The following PLXNA4 variants were observed in gnomAD, a reference collection of about 807,000 sequenced individuals.
PLXNA4 encodes plexin-A4.
PLXNA4 carries 44 observed loss-of-function variants against 191.8 expected under a neutral mutation model. The observed-to-expected ratio is 0.23, with a 90% confidence interval of 0.18 to 0.29. PLXNA4 has a LOEUF of 0.29. Among genes scored for constraint, PLXNA4 ranks in the 10% least tolerant of loss-of-function variants. PLXNA4 has a pLI of 1.00. For synonymous variants in PLXNA4, 1,082 were observed against 1,009.5 expected, an observed-to-expected ratio of 1.07 and a Z score of -1.36; for missense variants, 1,800 against 2,488.8, an observed-to-expected ratio of 0.72 and a Z score of 5.89.
At position 132,130,380 on chromosome 7, in the gene PLXNA4, G is replaced by A; in HGVS notation, c.*99C>T. 1.9e-6 allele frequency: 3 copies of A among 1,543,274 alleles called. No individual in the cohort carries two copies. In the South Asian group the frequency reaches 3.4e-5, roughly 18 times the overall value. Reference sequence around the variant, plus strand: ...GAAACAGCGCTGCTCAGGGGATGCTGCTGATGCCAGTCGGAACTTGCACTT... The same window carrying A: ...GAAACAGCGCTGCTCAGGGGATGCTACTGATGCCAGTCGGAACTTGCACTT... On this transcript the variant is annotated 3_prime_UTR_variant, in exon 32 of 32. Coordinates refer to ENST00000321063, the MANE Select transcript of PLXNA4 (RefSeq NM_020911.2).
In PLXNA4 at chr7:132,127,458, G is replaced by A. The variant is rs1482571809; in HGVS notation, c.*3021C>T. 6.6e-6 allele frequency: 1 copy of A among 152,130 alleles called. No homozygotes were observed. Among genetic ancestry groups the A allele is most frequent in the East Asian group, 1.9e-4 (1 of 5,196 alleles). 9.4% of individuals were successfully genotyped at this position (152,130 alleles called of 1,614,324 possible). A position where few individuals can be genotyped will look rare whatever the true frequency, so the allele number is the denominator to read the frequency against. The stretch of plus-strand genomic sequence containing the variant: ...AGTGGGGTAAGGAAGATCCCTGGGG[G>A]AGTTTGGAAAAAAGATTTGGGTGGG... On this transcript the variant is annotated 3_prime_UTR_variant, in exon 32 of 32. Transcript: ENST00000321063.
At chr7:132,503,641 A>G (rs1278378316) in intron 2 of PLXNA4, among the ~76,000 whole-genome samples, 1 of 152,208 alleles carries the variant, frequency 6.6e-6, no homozygotes, top group Non-Finnish European at 1.5e-5. Flanking sequence ...GGGAGCCTGG[A>G]TGGCAGCCTT....
At chr7:132,519,927 A>C (rs1799104524) in intron 1 of PLXNA4, among the ~76,000 whole-genome samples, 1 of 152,194 alleles carries the variant, frequency 6.6e-6, no homozygotes, top group Non-Finnish European at 1.5e-5. Context: ...AAGAGAGATC[A>C]CCCAGTTTCT....
At chr7:132,550,457 A>G (rs77098850) in intron 1 of PLXNA4, among the ~76,000 whole-genome samples, 1 of 152,204 alleles carries the variant, frequency 6.6e-6, no homozygotes. Context: ...CTTCCAGGCT[A>G]GGATTAACAG....
chr7:132,144,578 G>A (rs1485985828), intron 29 of PLXNA4, among the ~76,000 whole-genome samples: 1 of 152,178 alleles, frequency 6.6e-6, no homozygotes, highest in African/African-American at 2.4e-5. Flanking sequence ...CACCTGGCTG[G>A]TTCCTAAGTG....
At chr7:132,292,872 C>T (rs1800943499) in intron 4 of PLXNA4, among the ~76,000 whole-genome samples, 2 of 151,968 alleles carry the variant, frequency 1.3e-5, no homozygotes, top group South Asian at 2.1e-4. Context: ...TCTGAGGACA[C>T]GATATTTGAG....
intron 1 of PLXNA4, among the ~76,000 whole-genome samples, chr7:132,513,506 A>G (rs1401832928): frequency 2.0e-5 from 3 of 152,156 alleles, no homozygotes; most frequent in African/African-American, 7.2e-5. Flanking sequence ...GTTATTCACA[A>G]TATATTCCCT....
intron 4 of PLXNA4, among the ~76,000 whole-genome samples, chr7:132,246,801 CAT>C (rs1562989636): frequency 1.5e-4 from 23 of 151,672 alleles, no homozygotes; most frequent in Middle Eastern, 3.2e-3. Context: ...TCATCATCAT[CAT>C]CATCCTCATC....
chr7:132,232,932 C>T (rs925265664), intron 5 of PLXNA4, among the ~76,000 whole-genome samples: 1 of 152,192 alleles, frequency 6.6e-6, no homozygotes, highest in Non-Finnish European at 1.5e-5. Flanking sequence ...GGGGCTGTTG[C>T]TGATCCATCT....
intron 4 of PLXNA4, among the ~76,000 whole-genome samples, chr7:132,241,456 T>C (rs62464990): frequency 0.15 from 23,142 of 152,258 alleles, 1,866 homozygotes; most frequent in Middle Eastern, 0.18. Flanking sequence ...ACAGTGTTCA[T>C]TTCAAGTTTT....
intron 3 of PLXNA4, chr7:132,485,157 G>C: frequency 8.1e-7 from 1 of 1,241,248 alleles, no homozygotes; most frequent in Non-Finnish European, 1.1e-6. Context: ...TGTGCACCCA[G>C]TACCTATTCA....
At chr7:132,270,028 C>T (rs1459387233) in intron 4 of PLXNA4, among the ~76,000 whole-genome samples, 1 of 152,174 alleles carries the variant, frequency 6.6e-6, no homozygotes, top group Non-Finnish European at 1.5e-5. Flanking sequence ...GGTTCACCCT[C>T]AGGTTTCTAA....
intron 3 of PLXNA4, among the ~76,000 whole-genome samples, chr7:132,461,155 A>G (rs977081388): frequency 6.6e-6 from 1 of 152,170 alleles, no homozygotes; most frequent in African/African-American, 2.4e-5. Context: ...GGGAAGAAAT[A>G]TGCTTGGCTT....
chr7:132,235,782 G>A (rs1798679363), intron 5 of PLXNA4, among the ~76,000 whole-genome samples: 1 of 152,184 alleles, frequency 6.6e-6, no homozygotes, highest in Non-Finnish European at 1.5e-5. Flanking sequence ...GATGGAGAGG[G>A]GGCTGGGGAC....
chr7:132,597,133 G>A (rs1039929773), intron 2 of PLXNA4, among the ~76,000 whole-genome samples: 9 of 152,152 alleles, frequency 5.9e-5, no homozygotes, highest in Admixed American at 5.9e-4. Context: ...CAGGATCAAG[G>A]TGCCTTCCTC....
At chr7:132,429,093 C>A (rs559752695) in intron 3 of PLXNA4, among the ~76,000 whole-genome samples, 28 of 152,096 alleles carry the variant, frequency 1.8e-4, no homozygotes, top group Non-Finnish European at 3.1e-4. Context: ...TGTGGAATAG[C>A]CATGTAGACT....
At chr7:132,333,224 G>C (rs899340572) in intron 3 of PLXNA4, among the ~76,000 whole-genome samples, 3 of 152,192 alleles carry the variant, frequency 2.0e-5, no homozygotes, top group African/African-American at 4.8e-5. Flanking sequence ...TGTGTGGCTA[G>C]TGGGGAATTT....
chr7:132,240,734 C>A (rs761653894), intron 5 of PLXNA4, among the ~76,000 whole-genome samples: 16 of 152,194 alleles, frequency 1.1e-4, no homozygotes, highest in Non-Finnish European at 2.4e-4. Context: ...CAGTCTCTAG[C>A]CCAGTAAGCC....
chr7:132,138,191 T>A (rs1795168271), intron 30 of PLXNA4, among the ~76,000 whole-genome samples: 2 of 152,278 alleles, frequency 1.3e-5, no homozygotes, highest in South Asian at 4.1e-4. Flanking sequence ...GTTGTGATGG[T>A]GCAGAAAACC....
Sources: allele counts gnomAD v4.1 joint callset (sites outside exome capture counted in the v4.1 genomes callset), GRCh38; gene constraint gnomAD v4.1.1; transcripts MANE v1.5; gene names NCBI Gene and HGNC (gene_info 2026-07-23, HGNC 2026-07-21).